The following CNTN4 variants were observed in gnomAD, a reference collection of about 807,000 sequenced individuals.
The protein encoded by CNTN4 is contactin 4.
Under a neutral mutation model 122.5 loss-of-function variants are expected in CNTN4, and 77 were observed. The ratio of observed to expected loss-of-function variants is 0.63; its 90% CI spans 0.52 to 0.76. CNTN4 has a LOEUF of 0.76. CNTN4 is among the 30% of genes least tolerant of loss of function. The probability of loss-of-function intolerance (pLI) is 0.00; values close to 1 mark genes in which losing one functional copy is unlikely to be tolerated. For synonymous variants in CNTN4, 512 were observed against 447.0 expected (o/e 1.15, Z -1.83); for missense variants, 1,256 against 1,259.1 (o/e 1.00, Z 0.04).
intron 8 of CNTN4, among the ~76,000 whole-genome samples, chr3:2,872,732 CATACATTGTTAATCAT>C (rs1227153129): frequency 1.3e-5 from 2 of 152,104 alleles, no homozygotes; most frequent in African/African-American, 4.8e-5. Flanking sequence ...TCTATATTTA[CATACATTGTTAATCAT>C]ATACATTTTG....
At chr3:2,155,185 C>T (rs939976780) in intron 2 of CNTN4, among the ~76,000 whole-genome samples, 1 of 152,314 alleles carries the variant, frequency 6.6e-6, no homozygotes, top group African/African-American at 2.4e-5. Context: ...TAATTTTAAA[C>T]CTAATTTTCC....
intron 4 of CNTN4, among the ~76,000 whole-genome samples, chr3:2,601,792 AAG>A (rs1372419963): frequency 6.6e-6 from 1 of 152,186 alleles, no homozygotes; most frequent in African/African-American, 2.4e-5. Flanking sequence ...ACAACAAAAA[AAG>A]AGAATTTTAG....
In CNTN4 at chr3:2,234,446, G is replaced by C. The variant is rs200776892; in HGVS notation, c.-144-104732G>C. Reference sequence around the variant, plus strand: ...CTTACAAACTTCATCAGCTTGTGGAGTTAGTCTCTGCTCATCTCATTTATA... The same window carrying C: ...CTTACAAACTTCATCAGCTTGTGGACTTAGTCTCTGCTCATCTCATTTATA... On this transcript the variant is annotated intron_variant, in intron 2 of 24. Transcript: ENST00000418658. 1.5e-4 allele frequency among the ~76,000 whole-genome samples: 23 copies of C among 150,860 alleles called. 1 individual carries two copies. The East Asian group carries it at 2.1e-3, about 14-fold the overall frequency.
chr3:2,840,550 T>A (rs112904676), intron 7 of CNTN4, among the ~76,000 whole-genome samples: 4 of 23,160 alleles, frequency 1.7e-4, no homozygotes, highest in African/African-American at 2.5e-4. Flanking sequence ...AATACAAAAA[T>A]TAGCCGGGCG....
chr3:2,332,340 C>A (rs1161682634), intron 2 of CNTN4, among the ~76,000 whole-genome samples: 1 of 152,070 alleles, frequency 6.6e-6, no homozygotes, highest in Non-Finnish European at 1.5e-5. Flanking sequence ...AGTAATCTCT[C>A]CAAATAAGTA....
intron 2 of CNTN4, among the ~76,000 whole-genome samples, chr3:2,261,052 A>G (rs1021507930): frequency 2.0e-5 from 3 of 152,134 alleles, no homozygotes; most frequent in African/African-American, 4.8e-5. Flanking sequence ...TTCTTTATGA[A>G]ATACTGTGTA....
At chr3:2,266,358 C>T (rs1043800029) in intron 2 of CNTN4, among the ~76,000 whole-genome samples, 8 of 152,026 alleles carry the variant, frequency 5.3e-5, no homozygotes, top group African/African-American at 1.9e-4. Context: ...TTTTGGATTT[C>T]TCCTTAAAAA....
chr3:2,498,051 T>C (rs115415267), intron 3 of CNTN4, among the ~76,000 whole-genome samples: 1 of 152,178 alleles, frequency 6.6e-6, no homozygotes, highest in Non-Finnish European at 1.5e-5. Flanking sequence ...TCAATGGTAG[T>C]AAAAAGTTGT....
At chr3:2,480,589 C>A (rs1281439889) in intron 3 of CNTN4, among the ~76,000 whole-genome samples, 1 of 152,098 alleles carries the variant, frequency 6.6e-6, no homozygotes, top group Non-Finnish European at 1.5e-5. Context: ...GTGAAGAAAA[C>A]TAGAAAACTC....
At chr3:2,407,613 C>T (rs1382382414) in intron 3 of CNTN4, among the ~76,000 whole-genome samples, 1 of 152,180 alleles carries the variant, frequency 6.6e-6, no homozygotes, top group Non-Finnish European at 1.5e-5. Flanking sequence ...TGCCTGACCA[C>T]ATACTTCGTA....
At chr3:2,180,176 A>G (rs185982695) in intron 2 of CNTN4, among the ~76,000 whole-genome samples, 2 of 152,142 alleles carry the variant, frequency 1.3e-5, no homozygotes, top group African/African-American at 4.8e-5. Flanking sequence ...CTAATCTGGT[A>G]AATAATACAT....
rs143960320 is a variant in CNTN4, at chr3:2,651,441, G to A, written c.55+79883G>A. ...TCATTTGGTTCGATCAGATTCTCAT[G>A]GAACCTACAAGACAAGCACCCTTTT... is the stretch of plus-strand genomic sequence containing the variant. On this transcript the variant is annotated intron_variant, in intron 4 of 24. Transcript: ENST00000418658. Among the ~76,000 whole-genome samples the A allele has an allele frequency of 6.2e-3, 951 of 152,260 alleles. 7 individuals are homozygous for A. The highest frequency in any genetic ancestry group is 9.4e-3 in the Non-Finnish European group (640 of 68,012).
intron 4 of CNTN4, among the ~76,000 whole-genome samples, chr3:2,649,087 G>C (rs1018006884): frequency 2.0e-5 from 3 of 152,196 alleles, no homozygotes; most frequent in African/African-American, 7.2e-5. Context: ...GAAGCTAGCA[G>C]AGGTTGCTTC....
At chr3:2,944,492 C>T (rs12496487) in intron 13 of CNTN4, among the ~76,000 whole-genome samples, 1,899 of 152,124 alleles carry the variant, frequency 0.012, 36 homozygotes, top group African/African-American at 0.044. Context: ...TATTTCTGCT[C>T]CTCCATAGAA....
intron 3 of CNTN4, among the ~76,000 whole-genome samples, chr3:2,553,777 C>T (rs893942513): frequency 4.6e-5 from 7 of 152,120 alleles, no homozygotes; most frequent in African/African-American, 1.7e-4. Flanking sequence ...TGAAAAGTTA[C>T]TATTAACTGA....
chr3:2,662,335 TG>T (rs2150302638), intron 4 of CNTN4, among the ~76,000 whole-genome samples: 1 of 152,176 alleles, frequency 6.6e-6, no homozygotes, highest in East Asian at 1.9e-4. Context: ...TGGAGGAGAG[TG>T]GCAGCAACAA....
At chr3:2,847,974 C>T (rs182215921) in intron 7 of CNTN4, among the ~76,000 whole-genome samples, 15 of 152,290 alleles carry the variant, frequency 9.8e-5, no homozygotes, top group Admixed American at 9.8e-4. Context: ...AATACTAGCA[C>T]AGGGTTGGGC....
Position 2,467,090 on chromosome 3 carries a change from G to A in CNTN4, c.-88-104326G>A, listed in dbSNP as rs115745640. On this transcript the variant is annotated intron_variant, in intron 3 of 24. Transcript: ENST00000418658. ...TATTTAAAAAAAGTCTTCCAGTATC[G>A]CTAATACATATTTTTCCCATTGGAT... Among the ~76,000 whole-genome samples the A allele has an allele frequency of 8.0e-3, 1,159 of 145,644 alleles. 30 individuals are homozygous for A. Among genetic ancestry groups the A allele is most frequent in the African/African-American group, 0.028 (1,095 of 39,378 alleles).
At chr3:2,575,803 CTTCTTCTT>C (rs2079637590) in intron 4 of CNTN4, among the ~76,000 whole-genome samples, 6 of 103,298 alleles carry the variant, frequency 5.8e-5, no homozygotes, top group Admixed American at 1.4e-4. Flanking sequence ...TTGCTTTCTT[CTTCTTCTT>C]TTTTTTTTTT....
Sources: gnomAD v4.1 joint callset for allele counts (sites outside exome capture counted in the v4.1 genomes callset) on GRCh38, gnomAD v4.1.1 for gene constraint, MANE v1.5 for transcripts, NCBI Gene and HGNC (gene_info 2026-07-23, HGNC 2026-07-21) for gene names.